CASP6: variants seen among roughly 807,000 people sequenced by gnomAD.
CASP6 encodes caspase-6.
In CASP6, 20 loss-of-function variants were observed where a neutral mutation model predicts 31.8. The observed-to-expected ratio is 0.63, with a 90% CI of 0.44 to 0.91. The LOEUF (loss-of-function observed/expected upper bound fraction) is 0.91. Ranked by LOEUF, CASP6 falls within the 40% of genes least tolerant of loss-of-function variation. The pLI is 0.00. For synonymous variants in CASP6, 130 were observed against 127.8 expected, an observed-to-expected ratio of 1.02 and a Z score of -0.12; for missense variants, 328 against 361.1, an observed-to-expected ratio of 0.91 and a Z score of 0.74.
At chr4:109,675,685 C>T in the CASP6 span, among the ~76,000 whole-genome samples, 2 of 152,108 alleles carry the variant, frequency 1.3e-5, no homozygotes, top group African/African-American at 4.8e-5. Flanking sequence ...GGATGTGAGG[C>T]GTATTGGGAG....
At chr4:109,690,390 G>A (rs772416865) in intron 6 of CASP6, among the ~76,000 whole-genome samples, 2 of 151,916 alleles carry the variant, frequency 1.3e-5, no homozygotes, top group Non-Finnish European at 2.9e-5. Flanking sequence ...AAGCATGGTG[G>A]TGCATGCCTA....
At chr4:109,683,396 G>A in the CASP6 span, among the ~76,000 whole-genome samples, 16 of 152,190 alleles carry the variant, frequency 1.1e-4, no homozygotes, top group Non-Finnish European at 5.9e-5. Flanking sequence ...TTTGGAGGAT[G>A]GCAGAGAGAG....
At chr4:109,686,425 C>T (rs940970858), downstream of CASP6, among the ~76,000 whole-genome samples, 1 of 152,192 alleles carries the variant, frequency 6.6e-6, no homozygotes, top group Non-Finnish European at 1.5e-5. Flanking sequence ...AGGTGTGAGC[C>T]ACCATGTCCA....
At chr4:109,685,481 G>A, downstream of CASP6, 1 of 555,486 alleles carries the variant, frequency 1.8e-6, no homozygotes, top group African/African-American at 1.9e-5. Context: ...AGATTTCTGT[G>A]TGTTGTGGGA....
chr4:109,671,393 G>C, the CASP6 span, among the ~76,000 whole-genome samples: 1 of 152,022 alleles, frequency 6.6e-6, no homozygotes, highest in Non-Finnish European at 1.5e-5. Flanking sequence ...ACAGTTCTTA[G>C]ATATTTTGTT....
upstream of CASP6, among the ~76,000 whole-genome samples, chr4:109,706,731 A>T (rs1188025640): frequency 6.6e-6 from 1 of 152,048 alleles, no homozygotes; most frequent in Non-Finnish European, 1.5e-5. Context: ...ACATGGCAAA[A>T]CCCTGTCTCT....
chr4:109,671,518 C>T, the CASP6 span, among the ~76,000 whole-genome samples: 2 of 152,164 alleles, frequency 1.3e-5, no homozygotes, highest in Admixed American at 1.3e-4. Context: ...CTGATGAGCC[C>T]ATCAAAGGCA....
upstream of CASP6, among the ~76,000 whole-genome samples, chr4:109,705,239 A>C (rs1044378742): frequency 1.3e-5 from 2 of 152,232 alleles, no homozygotes; most frequent in African/African-American, 4.8e-5. Flanking sequence ...ATGGACCAAC[A>C]AAGGCTAGTT....
chr4:109,697,377 T>C (rs1730278997), intron 3 of CASP6, among the ~76,000 whole-genome samples: 1 of 151,152 alleles, frequency 6.6e-6, no homozygotes, highest in Admixed American at 6.6e-5. Context: ...GATCAAGCAA[T>C]CCTCCCCCTT....
the CASP6 span, among the ~76,000 whole-genome samples, chr4:109,683,550 T>C: frequency 6.6e-6 from 1 of 152,232 alleles, no homozygotes. Flanking sequence ...CACTTATGAA[T>C]CATTTCAGAT....
downstream of CASP6, among the ~76,000 whole-genome samples, chr4:109,687,155 G>A (rs1248396888): frequency 1.3e-5 from 2 of 151,992 alleles, no homozygotes; most frequent in Non-Finnish European, 2.9e-5. Context: ...AGGAGTTCAA[G>A]ACCAGCCAGA....
the CASP6 span, among the ~76,000 whole-genome samples, chr4:109,667,397 TTCCTTTTAA>T: frequency 6.6e-6 from 1 of 152,020 alleles, no homozygotes; most frequent in African/African-American, 2.4e-5. Flanking sequence ...TTTCTTTATT[TTCCTTTTAA>T]TGTCCATGGG....
At chr4:109,687,688 C>G, downstream of CASP6, 1 of 741,048 alleles carries the variant, frequency 1.3e-6, no homozygotes, top group South Asian at 1.7e-5. Context: ...ATTGTTTAAT[C>G]TTTGTTATTA....
rs892933361 is a variant in CASP6, at chr4:109,688,935, A to G, written c.*395T>C. ...TTTAAAACATTTGAATCATTAGACCATAATGCTTCACCCTAACGATATTTA... is the reference window on the plus strand; with the variant it reads ...TTTAAAACATTTGAATCATTAGACCGTAATGCTTCACCCTAACGATATTTA... On this transcript the variant is annotated 3_prime_UTR_variant, in exon 7 of 7. Coordinates refer to ENST00000265164, the MANE Select transcript of CASP6 (RefSeq NM_001226.4). 1.2e-4 allele frequency: 19 copies of G among 163,186 alleles called. No homozygotes were observed. The highest frequency in any genetic ancestry group is 9.1e-4 in the Admixed American group (16 of 17,536). 10.1% of individuals were successfully genotyped at this position (163,186 alleles called of 1,614,324 possible).
intron 1 of CASP6, among the ~76,000 whole-genome samples, chr4:109,699,598 CCTAA>C (rs779453980): frequency 1.1e-4 from 16 of 152,166 alleles, no homozygotes; most frequent in South Asian, 2.1e-4. Context: ...ATTCCTGGAT[CCTAA>C]CTGAGGCAGA....
At chr4:109,695,021 G>T (rs1040645148) in intron 4 of CASP6, among the ~76,000 whole-genome samples, 1 of 152,014 alleles carries the variant, frequency 6.6e-6, no homozygotes, top group African/African-American at 2.4e-5. Context: ...AGTAGAGACG[G>T]GGTTTTGCCA....
chr4:109,672,243 AT>A, the CASP6 span, among the ~76,000 whole-genome samples: 3 of 152,098 alleles, frequency 2.0e-5, no homozygotes, highest in Non-Finnish European at 2.9e-5. Flanking sequence ...GTAGTTTCCT[AT>A]TATGGAGGAC....
intron 6 of CASP6, among the ~76,000 whole-genome samples, chr4:109,690,235 A>AT (rs1415259549): frequency 8.4e-5 from 6 of 71,814 alleles, no homozygotes; most frequent in African/African-American, 4.2e-4. Context: ...GAGTGAGACT[A>AT]TAAAAAAAAA....
downstream of CASP6, among the ~76,000 whole-genome samples, chr4:109,686,977 G>C (rs944386545): frequency 6.6e-6 from 1 of 151,444 alleles, no homozygotes; most frequent in Non-Finnish European, 1.5e-5. Context: ...TTTTTTTTAA[G>C]AATATTAAGT....
Sources: allele counts gnomAD v4.1 joint callset (sites outside exome capture counted in the v4.1 genomes callset), GRCh38; gene constraint gnomAD v4.1.1; transcripts MANE v1.5; gene names NCBI Gene and HGNC (gene_info 2026-07-23, HGNC 2026-07-21).